The following DCLK1 variants were observed in gnomAD, a reference collection of about 807,000 sequenced individuals.
The protein encoded by DCLK1 is doublecortin like kinase 1.
A neutral mutation model predicts 86.2 loss-of-function variants in DCLK1; 16 were observed. That is an observed-to-expected ratio of 0.19 (90% CI 0.13 to 0.28). DCLK1 has a LOEUF of 0.28. DCLK1 is among the 10% of genes least tolerant of loss of function. The probability of loss-of-function intolerance (pLI) is 1.00; values close to 1 mark genes in which losing one functional copy is unlikely to be tolerated. For missense variants in DCLK1, 590 were observed against 940.2 expected (o/e 0.63, Z 4.87); for synonymous variants, 369 against 370.5 (o/e 1.00, Z 0.05).
chr13:35,848,731 G>A (rs1593658118), intron 6 of DCLK1: 6 of 985,250 alleles, frequency 6.1e-6, no homozygotes, highest in Middle Eastern at 5.2e-4. Context: ...TTTTGTTCTG[G>A]ACCATCTGAC....
At chr13:35,872,162 T>G (rs1026692581) in intron 4 of DCLK1, among the ~76,000 whole-genome samples, 6 of 151,772 alleles carry the variant, frequency 4.0e-5, no homozygotes, top group Admixed American at 3.3e-4. Flanking sequence ...TTCTAATAAT[T>G]AACAAAAAAA....
intron 4 of DCLK1, among the ~76,000 whole-genome samples, chr13:35,914,790 C>T (rs192882657): frequency 2.0e-3 from 311 of 151,830 alleles, no homozygotes; most frequent in Admixed American, 4.2e-3. Context: ...AACCATCTCA[C>T]GAAAAGACAG....
intron 4 of DCLK1, among the ~76,000 whole-genome samples, chr13:35,902,731 C>G (rs1189324628): frequency 6.6e-6 from 1 of 152,124 alleles, no homozygotes; most frequent in East Asian, 1.9e-4. Flanking sequence ...CAGGTGAAGG[C>G]TGCTGCTTAT....
intron 4 of DCLK1, among the ~76,000 whole-genome samples, chr13:35,925,717 G>A (rs1031666739): frequency 6.6e-6 from 1 of 152,120 alleles, no homozygotes. Context: ...TTTGGTTGTT[G>A]TTTTTATTTT....
In DCLK1 at chr13:35,770,470, A is replaced by ATT. The variant is rs2086311044; in HGVS notation, c.*4064_*4065insAA. 1 of 152,182 alleles carries ATT rather than the reference A, an allele frequency of 6.6e-6. No homozygotes were observed. Among genetic ancestry groups the ATT allele is most frequent in the Non-Finnish European group, 1.5e-5 (1 of 68,022 alleles). 9.4% of individuals were successfully genotyped at this position (152,182 alleles called of 1,614,324 possible). A position where few individuals can be genotyped will look rare whatever the true frequency, so the allele number is the denominator to read the frequency against. ...AAGTAAGGAAATCTTTATCCCCAAA[A>ATT]GAAGCACGTATCTTACCCTCTAAAC... On this transcript the variant is annotated 3_prime_UTR_variant, in exon 17 of 17. Transcript: ENST00000360631.
At chr13:36,022,207 A>C (rs1457821603) in intron 3 of DCLK1, among the ~76,000 whole-genome samples, 1 of 152,160 alleles carries the variant, frequency 6.6e-6, no homozygotes, top group Non-Finnish European at 1.5e-5. Context: ...AATGGAAATT[A>C]CAAAATAGTT....
chr13:35,783,212 T>C (rs577087462), intron 16 of DCLK1, among the ~76,000 whole-genome samples: 98 of 152,392 alleles, frequency 6.4e-4, no homozygotes, highest in African/African-American at 2.3e-3. Flanking sequence ...TTTATGATTC[T>C]ACTTTAGTAA....
chr13:36,095,613 TA>T (rs1157766441), intron 3 of DCLK1, among the ~76,000 whole-genome samples: 1 of 152,166 alleles, frequency 6.6e-6, no homozygotes, highest in African/African-American at 2.4e-5. Context: ...TGTCACCGGA[TA>T]AGTAAATATC....
intron 2 of DCLK1, among the ~76,000 whole-genome samples, chr13:36,116,911 A>C (rs1885811493): frequency 6.6e-6 from 1 of 152,248 alleles, no homozygotes; most frequent in Admixed American, 6.5e-5. Flanking sequence ...ACATTTTATG[A>C]GGCAACTCAG....
chr13:36,127,789 A>G (rs66523630), intron 1 of DCLK1, among the ~76,000 whole-genome samples: 33,347 of 152,040 alleles, frequency 0.22, 3,744 homozygotes, highest in Middle Eastern at 0.25. Flanking sequence ...CAGCAAGCTG[A>G]CTGGAGGACC....
intron 4 of DCLK1, among the ~76,000 whole-genome samples, chr13:35,914,330 A>T (rs1324683046): frequency 2.2e-5 from 2 of 91,952 alleles, no homozygotes; most frequent in African/African-American, 8.9e-5. Flanking sequence ...AGAAAAAAAA[A>T]AAATATATAT....
At chr13:35,792,960 T>C (rs1478112073) in intron 16 of DCLK1, among the ~76,000 whole-genome samples, 2 of 152,186 alleles carry the variant, frequency 1.3e-5, no homozygotes, top group African/African-American at 2.4e-5. Context: ...TCAAGATCTA[T>C]AGTGTTCCAA....
At chr13:35,786,296 C>T (rs1259826674) in intron 16 of DCLK1, among the ~76,000 whole-genome samples, 5 of 152,138 alleles carry the variant, frequency 3.3e-5, no homozygotes, top group African/African-American at 4.8e-5. Context: ...TTTTATAACA[C>T]AAATATGCAC....
At chr13:36,064,690 A>G (rs1252561262) in intron 3 of DCLK1, among the ~76,000 whole-genome samples, 1 of 151,764 alleles carries the variant, frequency 6.6e-6, no homozygotes, top group Non-Finnish European at 1.5e-5. Context: ...GTCAGGGGAA[A>G]AGCAGGAAAT....
At chr13:36,022,423 T>C (rs1881821779) in intron 3 of DCLK1, among the ~76,000 whole-genome samples, 1 of 151,726 alleles carries the variant, frequency 6.6e-6, no homozygotes, top group Non-Finnish European at 1.5e-5. Context: ...AGAGTAGACA[T>C]AAATAAAATA....
intron 4 of DCLK1, among the ~76,000 whole-genome samples, chr13:35,907,468 T>G (rs1239701799): frequency 2.0e-5 from 3 of 152,150 alleles, no homozygotes; most frequent in Non-Finnish European, 4.4e-5. Context: ...TGGCCCACAT[T>G]TCTCTTTATA....
chr13:36,014,351 A>C (rs1881443128), intron 3 of DCLK1, among the ~76,000 whole-genome samples: 2 of 152,228 alleles, frequency 1.3e-5, no homozygotes, highest in African/African-American at 2.4e-5. Flanking sequence ...ATTCAGATGA[A>C]GCTTACTTTG....
Position 35,771,231 on chromosome 13 carries a change from C to G in DCLK1, c.*3304G>C, listed in dbSNP as rs961564647. The G allele has an allele frequency of 3.9e-5, 6 of 152,088 alleles. No homozygotes were observed. The highest frequency in any genetic ancestry group is 1.4e-4 in the African/African-American group (6 of 41,386). The allele number at this position is 152,088 out of a possible 1,614,324, so 9.4% of individuals were successfully genotyped here. On this transcript the variant is annotated 3_prime_UTR_variant, in exon 17 of 17. Transcript: ENST00000360631. ...AAGGGTAAAGGATTGCAATTTTAGC[C>G]TTCATTCATGGATATATTGCTTTCT...
chr13:36,111,199 C>T (rs1435079259), intron 3 of DCLK1, among the ~76,000 whole-genome samples: 2 of 152,076 alleles, frequency 1.3e-5, no homozygotes, highest in African/African-American at 4.8e-5. Context: ...AAATAGTCCA[C>T]CCAAGACAAT....
Sources: allele counts gnomAD v4.1 joint callset (sites outside exome capture counted in the v4.1 genomes callset), GRCh38; gene constraint gnomAD v4.1.1; transcripts MANE v1.5; gene names NCBI Gene and HGNC (gene_info 2026-07-23, HGNC 2026-07-21).